Variants in CPAP observed in about 807,000 individuals in gnomAD.
CPAP encodes centrosome assembly and centriole elongation protein, also known as centrosomal P4.1-associated protein.
the CPAP span, among the ~76,000 whole-genome samples, chr13:24,927,302 T>C: frequency 8.5e-5 from 13 of 152,078 alleles, no homozygotes; most frequent in African/African-American, 3.1e-4. Context: ...GGTAGAACGG[T>C]GACCTTTAAA....
the CPAP span, chr13:24,906,615 T>A: frequency 1.9e-6 from 3 of 1,614,256 alleles, no homozygotes; most frequent in Non-Finnish European, 2.5e-6. Flanking sequence ...CCCGTCTGTA[T>A]TTTCAATCCT....
At chr13:24,919,417 T>A in the CPAP span, among the ~76,000 whole-genome samples, 2 of 152,170 alleles carry the variant, frequency 1.3e-5, no homozygotes, top group Non-Finnish European at 2.9e-5. Context: ...CATGGATATT[T>A]TTTAATCTTT....
chr13:24,922,960 G>A, the CPAP span: 2 of 152,486 alleles, frequency 1.3e-5, no homozygotes, highest in East Asian at 3.9e-4. Context: ...AACTCCCAGT[G>A]ACGCCACAGC....
At chr13:24,885,634 CGAGGAGGTGCA>C in the CPAP span, 1 of 1,612,790 alleles carries the variant, frequency 6.2e-7, no homozygotes, top group Non-Finnish European at 8.5e-7. Context: ...GCCTAAATCA[CGAGGAGGTGCA>C]GACTTGGATC....
chr13:24,929,064 T>C, the CPAP span, among the ~76,000 whole-genome samples: 1 of 152,132 alleles, frequency 6.6e-6, no homozygotes, highest in Non-Finnish European at 1.5e-5. Context: ...ATTCTGTAGG[T>C]TTTTATTACA....
At chr13:24,883,099 T>C in the CPAP span, 7 of 1,283,284 alleles carry the variant, frequency 5.5e-6, no homozygotes, top group East Asian at 1.6e-4. Flanking sequence ...CACAATAAAT[T>C]AAACAGAATC....
the CPAP span, among the ~76,000 whole-genome samples, chr13:24,895,014 C>A: frequency 6.6e-5 from 10 of 152,322 alleles, no homozygotes; most frequent in South Asian, 1.9e-3. Flanking sequence ...TCCAGCGCAG[C>A]GCGAAAGCTC....
At chr13:24,926,603 CA>C in the CPAP span, among the ~76,000 whole-genome samples, 1 of 152,180 alleles carries the variant, frequency 6.6e-6, no homozygotes, top group Non-Finnish European at 1.5e-5. Context: ...CCTCCTCCCT[CA>C]GCCCCACTGT....
chr13:24,883,449 C>A, the CPAP span: 1 of 1,171,902 alleles, frequency 8.5e-7, no homozygotes, highest in East Asian at 2.6e-5. Context: ...TGAAAAGTAG[C>A]CTTTTGAGTC....
At chr13:24,907,165 T>C in the CPAP span, 3 of 1,613,722 alleles carry the variant, frequency 1.9e-6, no homozygotes, top group Non-Finnish European at 2.5e-6. Context: ...AAGGTCTGTT[T>C]CCTTTCTCCA....
At chr13:24,883,222 T>A in the CPAP span, 1 of 1,613,982 alleles carries the variant, frequency 6.2e-7, no homozygotes, top group Non-Finnish European at 8.5e-7. Flanking sequence ...TGTCCTTAAC[T>A]CTTATCCGAC....
chr13:24,888,804 T>C, the CPAP span, among the ~76,000 whole-genome samples: 1 of 152,156 alleles, frequency 6.6e-6, no homozygotes, highest in Admixed American at 6.5e-5. Flanking sequence ...ACTGGAGGTT[T>C]TATGTGTTAA....
the CPAP span, among the ~76,000 whole-genome samples, chr13:24,900,300 C>G: frequency 6.6e-6 from 1 of 152,140 alleles, no homozygotes; most frequent in African/African-American, 2.4e-5. Context: ...GTGACTAAAA[C>G]ACAGTGAGCA....
chr13:24,889,643 G>T, the CPAP span, among the ~76,000 whole-genome samples: 1 of 152,134 alleles, frequency 6.6e-6, no homozygotes. Flanking sequence ...AGTAGGCAAG[G>T]TTACCTGAAC....
chr13:24,907,594 A>G, the CPAP span, among the ~76,000 whole-genome samples: 2 of 152,150 alleles, frequency 1.3e-5, no homozygotes, highest in Admixed American at 6.6e-5. Context: ...AAATTTTGAA[A>G]TAAATTTTTA....
the CPAP span, chr13:24,899,388 T>TA: frequency 6.4e-7 from 1 of 1,560,782 alleles, no homozygotes; most frequent in Non-Finnish European, 8.8e-7. Context: ...TTTACTAACT[T>TA]ACATGAATAT....
the CPAP span, among the ~76,000 whole-genome samples, chr13:24,894,724 G>A: frequency 6.6e-6 from 1 of 152,192 alleles, no homozygotes; most frequent in Non-Finnish European, 1.5e-5. Flanking sequence ...GAAGGCGGAG[G>A]CGGAGGGTGG....
the CPAP span, among the ~76,000 whole-genome samples, chr13:24,914,091 A>G: frequency 6.6e-6 from 1 of 152,140 alleles, no homozygotes; most frequent in Non-Finnish European, 1.5e-5. Context: ...AAATAGCAAT[A>G]AGTGCAAAGG....
chr13:24,920,495 C>A, the CPAP span, among the ~76,000 whole-genome samples: 1 of 152,102 alleles, frequency 6.6e-6, no homozygotes, highest in Non-Finnish European at 1.5e-5. Flanking sequence ...ATGTGATGTA[C>A]ATTTTCTCAC....
Sources: allele counts gnomAD v4.1 joint callset (sites outside exome capture counted in the v4.1 genomes callset), GRCh38; gene constraint gnomAD v4.1.1; transcripts MANE v1.5; gene names NCBI Gene and HGNC (gene_info 2026-07-23, HGNC 2026-07-21).